UBAP2L: variants seen among roughly 807,000 people sequenced by gnomAD.
The protein encoded by UBAP2L is ubiquitin-associated protein 2-like.
Under a neutral mutation model 130.6 loss-of-function variants are expected in UBAP2L, and 12 were observed. The ratio of observed to expected loss-of-function variants is 0.09; its 90% CI spans 0.06 to 0.15. The LOEUF is 0.15. Among genes scored for constraint, UBAP2L ranks in the 10% least tolerant of loss-of-function variants. The probability of loss-of-function intolerance (pLI) is 1.00; values close to 1 mark genes in which losing one functional copy is unlikely to be tolerated. For missense variants in UBAP2L, 965 were observed against 1,332.5 expected, an observed-to-expected ratio of 0.72 and a Z score of 4.29; for synonymous variants, 503 against 524.7, an observed-to-expected ratio of 0.96 and a Z score of 0.57.
At chr1:154,243,347 C>T (rs771014975) in intron 10 of UBAP2L, 45 bp downstream of exon 10, 8 of 1,559,886 alleles carry the variant, frequency 5.1e-6, no homozygotes, top group Non-Finnish European at 7.0e-6. Flanking sequence ...AACACATCTG[C>T]TGAGATTACT....
At chr1:154,252,634 A>C (rs1385069713) in intron 14 of UBAP2L, among the ~76,000 whole-genome samples, 2 of 152,074 alleles carry the variant, frequency 1.3e-5, no homozygotes, top group East Asian at 3.9e-4. Context: ...ATCTCCGCTC[A>C]CTGCAACCTC....
At chr1:154,222,497 TGAAA>T (rs1429300465) in intron 1 of UBAP2L, among the ~76,000 whole-genome samples, 1 of 152,252 alleles carries the variant, frequency 6.6e-6, no homozygotes, top group Non-Finnish European at 1.5e-5. Context: ...AAACTAGTGA[TGAAA>T]GGCCTAAAAA....
rs1301810893 is a variant in UBAP2L, at chr1:154,263,212, G to C, written c.2902+1515G>C. The C allele has an allele frequency of 3.9e-6, 6 of 1,548,808 alleles. No individual in the cohort carries two copies. The East Asian group carries it at 1.5e-4, about 38-fold the overall frequency. ...GTGTATAAATTTGCACTGAAGTCTT[G>C]TTTCAGAAACCAGACCACTGAGGAG... On this transcript the variant is annotated intron_variant, in intron 24 of 26. Coordinates refer to ENST00000428931, the MANE Select transcript of UBAP2L (RefSeq NM_014847.4).
intron 26 of UBAP2L, 34 bp downstream of exon 26, chr1:154,268,988 C>T (rs368268572): frequency 3.7e-6 from 6 of 1,609,288 alleles, no homozygotes; most frequent in Non-Finnish European, 4.2e-6. Context: ...CTTTCCCTTC[C>T]TCTTCCTTCC....
At chr1:154,240,778 C>G (rs1029564405) in intron 8 of UBAP2L, among the ~76,000 whole-genome samples, 4 of 151,702 alleles carry the variant, frequency 2.6e-5, no homozygotes, top group African/African-American at 9.7e-5. Context: ...TATCCTTCTT[C>G]AGACTGCCTA....
At chr1:154,225,896 C>G (rs1233632635) in intron 2 of UBAP2L, among the ~76,000 whole-genome samples, 1 of 152,264 alleles carries the variant, frequency 6.6e-6, no homozygotes. Context: ...TCACTGCAAC[C>G]TCTGCCTTCC....
chr1:154,251,669 A>G lies in UBAP2L; in HGVS notation c.1664+16A>G, dbSNP rs1370853741. ...GCACGGCCAGGTAGAGGAAACATTA[A>G]CCATAAGACCTCTCTTATTAACCTT... On this transcript the variant is annotated intron_variant, in intron 14 of 26. Coordinates refer to ENST00000428931, the MANE Select transcript of UBAP2L (RefSeq NM_014847.4). The G allele has an allele frequency of 1.2e-6, 2 of 1,612,358 alleles. No individual in the cohort carries two copies. The highest frequency in any genetic ancestry group is 2.2e-5 in the East Asian group (1 of 44,864).
Position 154,253,828 on chromosome 1 carries a change from C to G in UBAP2L, c.1665-72C>G, listed in dbSNP as rs750219738. On this transcript the variant is annotated intron_variant, in intron 14 of 26. Coordinates refer to ENST00000428931, the MANE Select transcript of UBAP2L (RefSeq NM_014847.4). ...ATCAAGTTATTCCACTAGTAGATCT[C>G]CACGATTTCCTTAGTATGAGTAGAT... 9.3e-5 allele frequency: 137 copies of G among 1,473,838 alleles called. No homozygotes were observed. In the African/African-American group the frequency reaches 1.7e-3, roughly 19 times the overall value. The allele number at this position is 1,473,838 out of a possible 1,614,324, so 91.3% of individuals were successfully genotyped here. A position where few individuals can be genotyped will look rare whatever the true frequency, so the allele number is the denominator to read the frequency against.
upstream of UBAP2L, chr1:154,220,173 G>C (rs1418713284): frequency 2.3e-6 from 2 of 871,186 alleles, no homozygotes; most frequent in Non-Finnish European, 1.9e-6. Context: ...AACGAGGGCG[G>C]GTCGGCCCGA....
chr1:154,226,379 G>T (rs1394410419), intron 2 of UBAP2L, among the ~76,000 whole-genome samples: 1 of 152,160 alleles, frequency 6.6e-6, no homozygotes. Flanking sequence ...TCTCATACCA[G>T]GTTGATGTTA....
chr1:154,241,220 C>A (rs150905025), intron 8 of UBAP2L, among the ~76,000 whole-genome samples: 2 of 152,058 alleles, frequency 1.3e-5, no homozygotes, highest in African/African-American at 4.8e-5. Context: ...TCCCGCGTAG[C>A]TGGGATTACA....
intron 1 of UBAP2L, chr1:154,221,179 G>A (rs1056756825): frequency 3.5e-5 from 5 of 141,642 alleles, no homozygotes; most frequent in African/African-American, 1.3e-4. Flanking sequence ...CCCGAGTCAT[G>A]CGAGCCCTGG....
At chr1:154,229,147 T>C (rs954408618) in intron 4 of UBAP2L, among the ~76,000 whole-genome samples, 17 of 152,172 alleles carry the variant, frequency 1.1e-4, no homozygotes, top group African/African-American at 3.6e-4. Context: ...TATTTGATTC[T>C]GAATTCAGGA....
At chr1:154,263,236 A>AG in intron 24 of UBAP2L, 2 of 1,545,242 alleles carry the variant, frequency 1.3e-6, no homozygotes, top group South Asian at 2.4e-5. Context: ...ACCACTGAGG[A>AG]GAGCCTGCTG....
chr1:154,255,027 C>T (rs899422615), intron 16 of UBAP2L, 125 bp from the exon 17 acceptor site: 12 of 1,410,606 alleles, frequency 8.5e-6, no homozygotes, highest in Non-Finnish European at 1.2e-5. Context: ...AAAGATTCTA[C>T]CTAATATAGT....
At position 154,252,278 on chromosome 1, in the gene UBAP2L, ATTTTTT is replaced by A. The variant is rs1186353284; in HGVS notation, c.1664+642_1664+647del. ...GGGTGAGCAACCGTGCCCAGCCCAG[ATTTTTT>A]TTTTTTTTTTTTTTTTAGATGGAGT... On this transcript the variant is annotated intron_variant, in intron 14 of 26. Coordinates refer to ENST00000428931, the MANE Select transcript of UBAP2L (RefSeq NM_014847.4). 2.9e-3 allele frequency among the ~76,000 whole-genome samples: 318 copies of A among 108,990 alleles called. 1 individual carries two copies. Among genetic ancestry groups the A allele is most frequent in the African/African-American group, 0.011 (305 of 27,796 alleles). The allele number at this position is 108,990 out of a possible 152,430, so 71.5% of individuals were successfully genotyped here.
chr1:154,254,083 G>A lies in UBAP2L; in HGVS notation c.1848G>A (p.Gln616=). The A allele has an allele frequency of 6.5e-7, 1 of 1,547,014 alleles. No homozygotes were observed. Among genetic ancestry groups the A allele is most frequent in the Non-Finnish European group, 8.7e-7 (1 of 1,151,294 alleles). The change falls in exon 15 of 27, where the codon CAG becomes CAA. Residue 616 remains glutamine (Q), a synonymous_variant. Transcript: ENST00000428931. ...ISSSPQKDLT[Q]AKNGFSSVQA... Reference sequence around the variant, plus strand: ...CATCACCCCAAAAGGACCTGACTCAGGCAAAGGTAGTGGCTTCATGAACCC... The same window carrying A: ...CATCACCCCAAAAGGACCTGACTCAAGCAAAGGTAGTGGCTTCATGAACCC...
chr1:154,250,119 A>G (rs1179053815), intron 12 of UBAP2L, among the ~76,000 whole-genome samples: 1 of 152,150 alleles, frequency 6.6e-6, no homozygotes, highest in African/African-American at 2.4e-5. Flanking sequence ...AGACCGGAGT[A>G]CAGTGGCACT....
chr1:154,221,639 G>T (rs1167000804), intron 1 of UBAP2L, among the ~76,000 whole-genome samples: 1 of 152,222 alleles, frequency 6.6e-6, no homozygotes, highest in Non-Finnish European at 1.5e-5. Context: ...TCGATGTGGC[G>T]CTGAGGGGGG....
Sources: allele counts gnomAD v4.1 joint callset (sites outside exome capture counted in the v4.1 genomes callset), GRCh38; gene constraint gnomAD v4.1.1; transcripts MANE v1.5; gene names NCBI Gene and HGNC (gene_info 2026-07-23, HGNC 2026-07-21).